POM121: variants seen among roughly 807,000 people sequenced by gnomAD.
POM121 encodes nuclear envelope pore membrane protein POM 121.
Under a neutral mutation model 81.3 loss-of-function variants are expected in POM121, and 32 were observed. The observed-to-expected ratio is 0.39, with a 90% confidence interval of 0.30 to 0.53. The LOEUF (loss-of-function observed/expected upper bound fraction) is 0.53, where lower values mean the gene tolerates loss of function less well. Ranked by LOEUF, POM121 falls within the 20% of genes least tolerant of loss-of-function variation. The pLI, the probability that POM121 is intolerant of heterozygous loss-of-function variation, is 0.66. For missense variants in POM121, 1,138 were observed against 1,614.6 expected (o/e 0.70, Z 5.06); for synonymous variants, 514 against 694.2 (o/e 0.74, Z 4.08).
At position 72,943,137 on chromosome 7, in the gene POM121, C is replaced by A; in HGVS notation, c.3144C>A (p.Gly1048=). The A allele has an allele frequency of 6.2e-7, 1 of 1,613,098 alleles. No homozygotes were observed. The highest frequency in any genetic ancestry group is 8.5e-7 in the Non-Finnish European group (1 of 1,179,650). ...TGAAAGCCACGGCTTCGGCCTTCGG[C>A]GCTCCCGCCAGCTCACAGCCCGCCT... The part of the protein sequence containing the change: ...FGLKATASAF[G]APASSQPAFG... Residue 1048 remains glycine, a synonymous_variant, in exon 11 of 13, where the codon GGC becomes GGA. Coordinates refer to ENST00000434423, the MANE Select transcript of POM121 (RefSeq NM_001387691.1).
At chr7:72,933,029 G>A (rs1554498847) in intron 5 of POM121, among the ~76,000 whole-genome samples, 8 of 148,732 alleles carry the variant, frequency 5.4e-5, no homozygotes, top group Admixed American at 6.7e-5. Context: ...TCCAGCCTGG[G>A]CGACAGAGTG....
At chr7:72,926,132 C>T (rs1359804485) in intron 1 of POM121, 130 bp from the exon 2 acceptor site, 1 of 983,500 alleles carries the variant, frequency 1.0e-6, no homozygotes, top group African/African-American at 1.6e-5. Context: ...ATAAAAACAC[C>T]GTGTTCTGTG....
chr7:72,939,463 G>A, intron 7 of POM121, 54 bp downstream of exon 7: 1 of 1,606,642 alleles, frequency 6.2e-7, no homozygotes, highest in Non-Finnish European at 8.5e-7. Flanking sequence ...GGTGTTTGTG[G>A]AGGATGTAGA....
chr7:72,910,248 C>A (rs1473708247), intron 3 of POM121, among the ~76,000 whole-genome samples: 3 of 152,162 alleles, frequency 2.0e-5, no homozygotes, highest in African/African-American at 4.8e-5. Context: ...CCCTTCCTTC[C>A]TTTCTTTACT....
chr7:72,928,016 G>GGC (rs1410763331), intron 3 of POM121, among the ~76,000 whole-genome samples: 1 of 152,112 alleles, frequency 6.6e-6, no homozygotes, highest in African/African-American at 2.4e-5. Context: ...GACCAGCCTG[G>GGC]GCAACATAGT....
At chr7:72,938,383 G>T (rs1353880961) in intron 5 of POM121, among the ~76,000 whole-genome samples, 1 of 151,960 alleles carries the variant, frequency 6.6e-6, no homozygotes, top group Non-Finnish European at 1.5e-5. Flanking sequence ...AGAGACAGGG[G>T]TCTCGCTATG....
At chr7:72,935,870 A>G (rs1309709792) in intron 5 of POM121, among the ~76,000 whole-genome samples, 7 of 152,266 alleles carry the variant, frequency 4.6e-5, no homozygotes, top group Non-Finnish European at 7.3e-5. Flanking sequence ...GTGTGTAGAA[A>G]TACAACTGAT....
chr7:72,941,997 A>G lies in POM121; in HGVS notation c.2004A>G (p.Pro668=). 1.3e-6 allele frequency: 2 copies of G among 1,597,348 alleles called. No individual in the cohort carries two copies. The highest frequency in any genetic ancestry group is 1.7e-6 in the Non-Finnish European group (2 of 1,174,934). ...CTTTGCTGGGGCTGATCCCTGCTCC[A>G]TCCATGGTACCAGCCACTGACACCA... ...PTTLLGLIPA[P]SMVPATDTKA... is the part of the protein sequence containing the mutation. The change falls in exon 11 of 13, where the codon CCA becomes CCG. Residue 668 remains proline (P), a synonymous_variant. Coordinates refer to ENST00000434423, the MANE Select transcript of POM121 (RefSeq NM_001387691.1).
At chr7:72,895,803 A>C (rs546061813) in intron 3 of POM121, among the ~76,000 whole-genome samples, 177 of 151,860 alleles carry the variant, frequency 1.2e-3, no homozygotes, top group African/African-American at 4.0e-3. Context: ...CAGCTACTCC[A>C]GAGGCTGAGG....
chr7:72,887,931 G>A (rs1790897670), intron 1 of POM121, among the ~76,000 whole-genome samples: 1 of 152,196 alleles, frequency 6.6e-6, no homozygotes, highest in African/African-American at 2.4e-5. Flanking sequence ...TCTTTGGTGT[G>A]TGCTGTTTCA....
chr7:72,949,583 T>A (rs2129581562), downstream of POM121: 1 of 693,348 alleles, frequency 1.4e-6, no homozygotes, highest in Admixed American at 2.5e-5. Flanking sequence ...AACATGCAGG[T>A]TAAGCCAGGA....
At chr7:72,899,579 T>TC (rs1357869976) in intron 3 of POM121, among the ~76,000 whole-genome samples, 1 of 148,580 alleles carries the variant, frequency 6.7e-6, no homozygotes, top group African/African-American at 2.5e-5. Context: ...TATTACATTT[T>TC]TTTTTTTTTT....
At position 72,927,177 on chromosome 7, in the gene POM121, G is replaced by A. The variant is rs187699228; in HGVS notation, c.1022+214G>A. On this transcript the variant is annotated intron_variant, in intron 3 of 12. Coordinates refer to ENST00000434423, the MANE Select transcript of POM121 (RefSeq NM_001387691.1). ...ATCGATGTTGTAATTTACCTTTTCC[G>A]TGAGTAGTAGAGATAAGCTGACTGC... 1.4e-3 allele frequency among the ~76,000 whole-genome samples: 208 copies of A among 152,270 alleles called. 1 individual carries two copies. Among genetic ancestry groups the A allele is most frequent in the Non-Finnish European group, 2.3e-3 (154 of 68,022 alleles).
At chr7:72,908,918 C>T (rs1410200186) in intron 3 of POM121, among the ~76,000 whole-genome samples, 1 of 152,124 alleles carries the variant, frequency 6.6e-6, no homozygotes, top group African/African-American at 2.4e-5. Context: ...TTAACGTAAT[C>T]ATCACAGGGT....
At chr7:72,919,657 T>C (rs538566059) in intron 4 of POM121, among the ~76,000 whole-genome samples, 8 of 151,976 alleles carry the variant, frequency 5.3e-5, no homozygotes, top group Admixed American at 1.3e-4. Context: ...TATTTTTGTA[T>C]TTTTTTTAGA....
chr7:72,899,525 G>A (rs577574873), intron 3 of POM121, among the ~76,000 whole-genome samples: 47 of 151,908 alleles, frequency 3.1e-4, no homozygotes, highest in African/African-American at 1.1e-3. Flanking sequence ...TCTCTCAAGA[G>A]CATTCACCCG....
rs1554497021 is a variant in POM121 at position 72,925,423 on chromosome 7, A to T, written c.302A>T (p.His101Leu). Residue 101 changes from histidine (H) to leucine (L), a missense_variant, in exon 1 of 13, where the codon CAT becomes CTT. This residue lies in a region of POM121 where 646 missense variants were observed against 633.5 expected (regional missense o/e 1.02). Transcript: ENST00000434423. ...TCCTCCTTCGTTCGGAAGGCGCGTCATCGGCGAACACTGTTCGCTTCGCCT... is the reference window on the plus strand; with the variant it reads ...TCCTCCTTCGTTCGGAAGGCGCGTCTTCGGCGAACACTGTTCGCTTCGCCT... ...PLSSFVRKAR[H>L]RRTLFASPLA... 1.3e-6 allele frequency: 2 copies of T among 1,533,462 alleles called. No homozygotes were observed. The highest frequency in any genetic ancestry group is 1.2e-5 in the South Asian group (1 of 83,966). The allele number at this position is 1,533,462 out of a possible 1,614,324, so 95.0% of individuals were successfully genotyped here. A position where few individuals can be genotyped will look rare whatever the true frequency, so the allele number is the denominator to read the frequency against.
chr7:72,888,104 TC>T (rs1284173046), intron 1 of POM121, among the ~76,000 whole-genome samples: 2 of 152,168 alleles, frequency 1.3e-5, no homozygotes, highest in African/African-American at 4.8e-5. Flanking sequence ...CCTCAAGCAA[TC>T]CTTCTGCCTC....
downstream of POM121, chr7:72,950,360 G>A: frequency 1.3e-6 from 1 of 767,036 alleles, no homozygotes; most frequent in Non-Finnish European, 2.1e-6. Flanking sequence ...TGTCAAGCCA[G>A]ACTTATGGGT....
Sources: allele counts gnomAD v4.1 joint callset (sites outside exome capture counted in the v4.1 genomes callset), GRCh38; gene constraint gnomAD v4.1.1; regional missense constraint gnomAD v4.1.1; transcripts MANE v1.5; gene names NCBI Gene and HGNC (gene_info 2026-07-23, HGNC 2026-07-21).